The following SNTG1 variants were observed in gnomAD, a reference collection of about 807,000 sequenced individuals.
SNTG1 encodes syntrophin gamma 1, also known as gamma-1-syntrophin.
In SNTG1, 39 loss-of-function variants were observed where a neutral mutation model predicts 74.7. The ratio of observed to expected loss-of-function variants is 0.52; its 90% CI spans 0.40 to 0.68. The LOEUF (loss-of-function observed/expected upper bound fraction) is 0.68, where lower values mean the gene tolerates loss of function less well. Ranked by LOEUF, SNTG1 falls within the 30% of genes least tolerant of loss-of-function variation. SNTG1 has a pLI of 0.00. For synonymous variants in SNTG1, 254 were observed against 217.1 expected (o/e 1.17, Z -1.49); for missense variants, 685 against 609.5 (o/e 1.12, Z -1.30).
At chr8:50,128,574 C>A (rs2081217726) in intron 1 of SNTG1, among the ~76,000 whole-genome samples, 1 of 152,046 alleles carries the variant, frequency 6.6e-6, no homozygotes, top group South Asian at 2.1e-4. Flanking sequence ...AATACTTCAT[C>A]CTAGGTTCAA....
intron 13 of SNTG1, among the ~76,000 whole-genome samples, chr8:50,647,420 A>G (rs966375177): frequency 2.6e-5 from 4 of 151,926 alleles, no homozygotes; most frequent in African/African-American, 9.7e-5. Flanking sequence ...GCACCTCATG[A>G]AAAAAATACA....
chr8:50,051,176 CT>C (rs1819537929), intron 1 of SNTG1, among the ~76,000 whole-genome samples: 1 of 150,876 alleles, frequency 6.6e-6, no homozygotes, highest in African/African-American at 2.4e-5. Context: ...ATAAAACATA[CT>C]TATTTTGGAA....
At chr8:50,487,202 G>A (rs1426415973) in intron 8 of SNTG1, among the ~76,000 whole-genome samples, 2 of 152,146 alleles carry the variant, frequency 1.3e-5, no homozygotes, top group Non-Finnish European at 2.9e-5. Context: ...GTGCTGGAGA[G>A]GATGTGGAGA....
At chr8:49,911,177 A>G (rs1383925388), upstream of SNTG1, 1 of 152,164 alleles carries the variant, frequency 6.6e-6, no homozygotes, top group African/African-American at 2.4e-5. Flanking sequence ...AGGAATTTCA[A>G]ATTGGGTTTC....
At chr8:50,126,327 T>C (rs2081138195) in intron 1 of SNTG1, among the ~76,000 whole-genome samples, 1 of 152,160 alleles carries the variant, frequency 6.6e-6, no homozygotes, top group Non-Finnish European at 1.5e-5. Flanking sequence ...TATAGTTTTA[T>C]GAGACTATTC....
intron 4 of SNTG1, among the ~76,000 whole-genome samples, chr8:50,419,394 G>T (rs1587551901): frequency 6.6e-6 from 1 of 152,176 alleles, no homozygotes; most frequent in African/African-American, 2.4e-5. Context: ...GGTGGTATTA[G>T]GGAAATCATA....
At chr8:50,774,786 A>T (rs1023413707) in intron 18 of SNTG1, among the ~76,000 whole-genome samples, 3 of 151,696 alleles carry the variant, frequency 2.0e-5, no homozygotes, top group Non-Finnish European at 4.4e-5. Flanking sequence ...ATAAAGATGT[A>T]AAGTGTATGA....
chr8:50,333,911 A>G (rs1428356810), intron 2 of SNTG1, among the ~76,000 whole-genome samples: 2 of 152,222 alleles, frequency 1.3e-5, no homozygotes, highest in Non-Finnish European at 2.9e-5. Context: ...AAAGTGCCAC[A>G]TGGATGCATA....
chr8:50,228,324 G>A (rs1458567922), intron 2 of SNTG1, among the ~76,000 whole-genome samples: 1 of 151,884 alleles, frequency 6.6e-6, no homozygotes, highest in South Asian at 2.1e-4. Flanking sequence ...CAGGTATGTG[G>A]ACTACCTTAC....
chr8:49,948,063 A>C (rs1329805284), intron 1 of SNTG1, among the ~76,000 whole-genome samples: 6 of 152,110 alleles, frequency 3.9e-5, no homozygotes, highest in Admixed American at 3.9e-4. Flanking sequence ...CCTGGGAAGC[A>C]GAGGTTGCAG....
At chr8:50,591,481 C>T (rs887676393) in intron 13 of SNTG1, among the ~76,000 whole-genome samples, 2 of 152,098 alleles carry the variant, frequency 1.3e-5, no homozygotes, top group African/African-American at 4.8e-5. Context: ...AAATGCTCTT[C>T]AACTTATAAA....
At chr8:50,146,088 A>G (rs1479596786) in intron 1 of SNTG1, among the ~76,000 whole-genome samples, 2 of 152,124 alleles carry the variant, frequency 1.3e-5, no homozygotes, top group African/African-American at 2.4e-5. Flanking sequence ...TAAAATGCCT[A>G]TACTTAATGT....
intron 17 of SNTG1, among the ~76,000 whole-genome samples, chr8:50,725,173 T>C (rs2095497012): frequency 6.6e-6 from 1 of 152,182 alleles, no homozygotes; most frequent in South Asian, 2.1e-4. Flanking sequence ...TAGATCAACT[T>C]ATTTGGGCGA....
At chr8:50,173,772 C>T (rs1300636962) in intron 2 of SNTG1, among the ~76,000 whole-genome samples, 2 of 151,926 alleles carry the variant, frequency 1.3e-5, no homozygotes, top group Non-Finnish European at 2.9e-5. Flanking sequence ...ATTGATTTCC[C>T]TCACCCAATC....
chr8:50,095,584 T>C (rs2079897067), intron 1 of SNTG1, among the ~76,000 whole-genome samples: 1 of 152,210 alleles, frequency 6.6e-6, no homozygotes, highest in Non-Finnish European at 1.5e-5. Flanking sequence ...TGTTTTTTTT[T>C]CTGTGTGCAA....
chr8:50,269,948 A>AGATTTTTTC (rs1342250802), intron 2 of SNTG1, among the ~76,000 whole-genome samples: 3 of 152,218 alleles, frequency 2.0e-5, no homozygotes, highest in Non-Finnish European at 1.5e-5. Flanking sequence ...AAGGACAAAA[A>AGATTTTTTC]GATTTTTTCT....
At chr8:50,250,678 T>C (rs1044872096) in intron 2 of SNTG1, among the ~76,000 whole-genome samples, 2 of 151,926 alleles carry the variant, frequency 1.3e-5, no homozygotes, top group African/African-American at 4.8e-5. Flanking sequence ...CACTGAAAGA[T>C]AATAAACAAA....
intron 4 of SNTG1, among the ~76,000 whole-genome samples, chr8:50,434,672 C>T (rs2093281619): frequency 6.6e-6 from 1 of 152,118 alleles, no homozygotes; most frequent in South Asian, 2.1e-4. Flanking sequence ...TGTCTGTTGG[C>T]TGCATAAATG....
At chr8:50,762,679 C>A in intron 18 of SNTG1, 1 of 473,350 alleles carries the variant, frequency 2.1e-6, no homozygotes, top group Non-Finnish European at 4.3e-6. Context: ...CCTGACCTGT[C>A]TTCTACCCGA....
Sources: allele counts gnomAD v4.1 joint callset (sites outside exome capture counted in the v4.1 genomes callset), GRCh38; gene constraint gnomAD v4.1.1; transcripts MANE v1.5; gene names NCBI Gene and HGNC (gene_info 2026-07-23, HGNC 2026-07-21).